PRMT2: variants seen among roughly 807,000 people sequenced by gnomAD.
PRMT2 encodes the protein protein arginine N-methyltransferase 2.
PRMT2 carries 26 observed loss-of-function variants against 57.6 expected under a neutral mutation model. The ratio of observed to expected loss-of-function variants is 0.45; its 90% confidence interval spans 0.33 to 0.63. The LOEUF is 0.63. Ranked by LOEUF, PRMT2 falls within the 20% of genes least tolerant of loss-of-function variation. PRMT2 has a pLI of 0.02. For synonymous variants in PRMT2, 219 were observed against 220.0 expected, an observed-to-expected ratio of 1.00 and a Z score of 0.04; for missense variants, 472 against 564.4, an observed-to-expected ratio of 0.84 and a Z score of 1.66.
intron 3 of PRMT2, among the ~76,000 whole-genome samples, chr21:46,639,430 T>C (rs776171775): frequency 1.3e-5 from 2 of 152,164 alleles, no homozygotes; most frequent in Non-Finnish European, 2.9e-5. Context: ...TATCAGTTAC[T>C]AAAAATTCTC....
chr21:46,646,593 G>T (rs547596036), intron 5 of PRMT2, among the ~76,000 whole-genome samples: 1 of 152,110 alleles, frequency 6.6e-6, no homozygotes, highest in Non-Finnish European at 1.5e-5. Context: ...TACTTTAAAA[G>T]GGTCCTGTTG....
intron 4 of PRMT2, 77 bp from the exon 5 acceptor site, chr21:46,644,229 A>T: frequency 1.4e-6 from 2 of 1,399,400 alleles, no homozygotes; most frequent in Non-Finnish European, 1.9e-6. Context: ...GTCACCATTG[A>T]TGGGATTTAT....
intron 7 of PRMT2, among the ~76,000 whole-genome samples, chr21:46,656,492 C>G (rs1262951401): frequency 6.6e-6 from 1 of 152,090 alleles, no homozygotes. Flanking sequence ...AAGGGACAGA[C>G]ACGTAAGTCA....
chr21:46,642,168 T>C (rs2256207), intron 3 of PRMT2, among the ~76,000 whole-genome samples: 33,213 of 152,094 alleles, frequency 0.22, 3,851 homozygotes, highest in Middle Eastern at 0.29. Flanking sequence ...CCACATAGTC[T>C]CAGTCCATCA....
In PRMT2 at chr21:46,649,513, G is replaced by C. The variant is rs1451637810; in HGVS notation, c.490-62G>C. 2 of 1,610,734 alleles carry C rather than the reference G, an allele frequency of 1.2e-6. No individual in the cohort carries two copies. The highest frequency in any genetic ancestry group is 1.7e-6 in the Non-Finnish European group (2 of 1,178,058). On this transcript the variant is annotated intron_variant, in intron 6 of 11. Coordinates refer to ENST00000355680, the MANE Select transcript of PRMT2 (RefSeq NM_206962.4). This position sits in a 1 kb window ranked among gnomAD's most constrained non-coding sequence, Gnocchi z 4.8. ...TCTCGTGATGCTGGTTGTGACTCAG[G>C]AGAGTAGATGACGGGCCGTGTGCCG...
intron 9 of PRMT2, chr21:46,661,476 T>C (rs2061619665): frequency 5.1e-6 from 1 of 194,288 alleles, no homozygotes. Flanking sequence ...GCCGGCGCGC[T>C]TTGGTTTTTA....
At chr21:46,653,710 C>T in intron 7 of PRMT2, 1 of 1,252,332 alleles carries the variant, frequency 8.0e-7, no homozygotes, top group South Asian at 1.4e-5. Context: ...TTCTGGTGCC[C>T]ACACGCACAC....
Position 46,658,854 on chromosome 21 carries a change from A to T in PRMT2, c.764A>T (p.Asp255Val), listed in dbSNP as rs1417260164. 5 of 1,614,018 alleles carry T rather than the reference A, an allele frequency of 3.1e-6. No homozygotes were observed. Among genetic ancestry groups the T allele is most frequent in the Admixed American group, 1.7e-5 (1 of 59,998 alleles). ...TTGCACCTTGTGCCCTGCAGTGCTG[A>T]TAAGGATTATCGTAGCAAGGTGCTC... is the stretch of plus-strand genomic sequence containing the variant. The part of the protein sequence containing the change: ...AALHLVPCSA[D>V]KDYRSKVLFW... Residue 255 changes from aspartate (D) to valine (V), a missense_variant, in exon 8 of 12, where the codon GAT becomes GTT. Physicochemically the swap from Asp to Val is radical, Grantham distance 152 (BLOSUM62 -3). Coordinates refer to ENST00000355680, the MANE Select transcript of PRMT2 (RefSeq NM_206962.4).
intron 3 of PRMT2, among the ~76,000 whole-genome samples, chr21:46,641,602 G>C (rs894131875): frequency 6.6e-6 from 1 of 152,122 alleles, no homozygotes; most frequent in Non-Finnish European, 1.5e-5. Flanking sequence ...TGAGGCATGC[G>C]AATTGCTTGA....
At position 46,648,698 on chromosome 21, in the gene PRMT2, T is replaced by A; in HGVS notation, c.489+79T>A. 1 of 1,547,276 alleles carries A rather than the reference T, an allele frequency of 6.5e-7. No homozygotes were observed. Among genetic ancestry groups the A allele is most frequent in the Non-Finnish European group, 8.8e-7 (1 of 1,135,174 alleles). On this transcript the variant is annotated intron_variant, in intron 6 of 11. Coordinates refer to ENST00000355680, the MANE Select transcript of PRMT2 (RefSeq NM_206962.4). This position sits in a 1 kb window ranked among gnomAD's most constrained non-coding sequence, Gnocchi z 4.8. ...CGAGGTGGCCTCTGAGTGTGCTGAC[T>A]TGTGACCCTGAGCTGTTGGGGGCTC...
At chr21:46,644,613 C>T (rs1047437167) in intron 5 of PRMT2, 125 bp downstream of exon 5, 51 of 912,082 alleles carry the variant, frequency 5.6e-5, no homozygotes, top group Non-Finnish European at 7.9e-5. Context: ...TGTAGCCACT[C>T]AGCTCTGACA....
At chr21:46,641,039 G>A (rs148048335) in intron 3 of PRMT2, among the ~76,000 whole-genome samples, 119 of 144,810 alleles carry the variant, frequency 8.2e-4, no homozygotes, top group African/African-American at 3.0e-3. Flanking sequence ...TAGGAGGATT[G>A]CTTTAGCTTG....
Position 46,648,322 on chromosome 21 carries a change from T to G in PRMT2, c.328-136T>G. ...GAGATTAACTTGGTTGACAGTGATGTCCAGGCCTTCCATAGTCTTCCATAG... is the reference window on the plus strand; with the variant it reads ...GAGATTAACTTGGTTGACAGTGATGGCCAGGCCTTCCATAGTCTTCCATAG... On this transcript the variant is annotated intron_variant, in intron 5 of 11. Transcript: ENST00000355680. This position sits in a 1 kb window ranked among gnomAD's most constrained non-coding sequence, Gnocchi z 4.8. 2.4e-6 allele frequency: 2 copies of G among 825,972 alleles called. No homozygotes were observed. Among genetic ancestry groups the G allele is most frequent in the Non-Finnish European group, 3.8e-6 (2 of 532,878 alleles). 51.2% of individuals were successfully genotyped at this position (825,972 alleles called of 1,614,324 possible).
chr21:46,643,579 G>A lies in PRMT2; in HGVS notation c.84G>A (p.Glu28=), dbSNP rs760993092. 1.2e-6 allele frequency: 2 copies of A among 1,610,752 alleles called. No homozygotes were observed. Among genetic ancestry groups the A allele is most frequent in the Non-Finnish European group, 1.7e-6 (2 of 1,178,990 alleles). ...GCAGTGAGGCCGGTCTCCTGCAGGA[G>A]GGAGTACAGCCAGAGGAGTTTGTGG... ...AECSEAGLLQ[E]GVQPEEFVAI... The change falls in exon 4 of 12, where the codon GAG becomes GAA. Residue 28 remains glutamate, a synonymous_variant. Coordinates refer to ENST00000355680, the MANE Select transcript of PRMT2 (RefSeq NM_206962.4).
At chr21:46,653,604 C>G in intron 7 of PRMT2, 1 of 1,152,104 alleles carries the variant, frequency 8.7e-7, no homozygotes, top group South Asian at 1.9e-5. Context: ...GACTTCTGGC[C>G]CCTTTGCTTG....
chr21:46,653,160 C>T (rs147086220), intron 7 of PRMT2: 35 of 985,340 alleles, frequency 3.6e-5, no homozygotes, highest in African/African-American at 5.2e-5. Flanking sequence ...CACATTATGA[C>T]GAATTTTCTA....
At chr21:46,643,069 C>G (rs896974692) in intron 3 of PRMT2, among the ~76,000 whole-genome samples, 1 of 151,826 alleles carries the variant, frequency 6.6e-6, no homozygotes, top group African/African-American at 2.4e-5. Flanking sequence ...GGGGGAGGCT[C>G]CAAGGACCTG....
At chr21:46,650,064 T>A (rs2061426415) in intron 7 of PRMT2, among the ~76,000 whole-genome samples, 1 of 152,244 alleles carries the variant, frequency 6.6e-6, no homozygotes, top group Admixed American at 6.5e-5. Flanking sequence ...CAGTAGGGCC[T>A]TCGTCCCTGG....
At chr21:46,663,858 C>G (rs2061666272) in intron 11 of PRMT2, among the ~76,000 whole-genome samples, 1 of 152,180 alleles carries the variant, frequency 6.6e-6, no homozygotes, top group Non-Finnish European at 1.5e-5. Context: ...CAGAGGGTCC[C>G]CCAGATGGAC....
Sources: gnomAD v4.1 joint callset for allele counts (sites outside exome capture counted in the v4.1 genomes callset) on GRCh38, gnomAD v4.1.1 for gene constraint, Gnocchi (gnomAD v3.1) non-coding constraint, MANE v1.5 for transcripts, NCBI Gene and HGNC (gene_info 2026-07-23, HGNC 2026-07-21) for gene names.